METTL15: variants seen among roughly 807,000 people sequenced by gnomAD.
The protein encoded by METTL15 is methyltransferase 15, mitochondrial 12S rRNA N4-cytidine.
In METTL15, 34 loss-of-function variants were observed where a neutral mutation model predicts 38.3. That is an observed-to-expected ratio of 0.89 (90% CI 0.68 to 1.18). The LOEUF is 1.18. Ranked by LOEUF, METTL15 falls within the 50% of genes most tolerant of loss-of-function variation. The probability of loss-of-function intolerance (pLI) is 0.00; values close to 1 mark genes in which losing one functional copy is unlikely to be tolerated. For missense variants in METTL15, 438 were observed against 498.4 expected (o/e 0.88, Z 1.15); for synonymous variants, 162 against 170.9 (o/e 0.95, Z 0.41).
At chr11:28,213,977 T>A (rs535548666) in intron 4 of METTL15, among the ~76,000 whole-genome samples, 1 of 152,192 alleles carries the variant, frequency 6.6e-6, no homozygotes, top group African/African-American at 2.4e-5. Context: ...TTTACACTAA[T>A]CCTGACCATG....
At chr11:28,122,452 A>G (rs1458455252) in intron 3 of METTL15, among the ~76,000 whole-genome samples, 2 of 151,164 alleles carry the variant, frequency 1.3e-5, no homozygotes, top group African/African-American at 4.8e-5. Context: ...ACAGTTTTTT[A>G]GAGTTTTAGA....
intron 6 of METTL15, among the ~76,000 whole-genome samples, chr11:28,480,006 A>G (rs1273139832): frequency 2.0e-5 from 3 of 152,188 alleles, no homozygotes; most frequent in Non-Finnish European, 4.4e-5. Flanking sequence ...ATTTTCATCT[A>G]CATTAACTAT....
intron 3 of METTL15, among the ~76,000 whole-genome samples, chr11:28,198,211 T>C (rs1851980415): frequency 6.6e-6 from 1 of 152,082 alleles, no homozygotes; most frequent in Non-Finnish European, 1.5e-5. Context: ...AATTAGATTT[T>C]TGAGATTAGC....
chr11:28,430,881 C>T lies in METTL15; in HGVS notation c.*424+6517C>T, dbSNP rs866505587. Among the ~76,000 whole-genome samples, 41 of 119,128 alleles carry T rather than the reference C, an allele frequency of 3.4e-4. No individual in the cohort carries two copies. In the South Asian group the frequency reaches 0.012, roughly 33 times the overall value. The allele number at this position is 119,128 out of a possible 152,430, so 78.2% of individuals were successfully genotyped here. On this transcript the variant is annotated intron_variant and NMD_transcript_variant, in intron 6 of 7. Transcript: ENST00000532947. Reference sequence around the variant, plus strand: ...GGGGTCAGCCCCCCGCCCGGCCAGCCGCCCCGTCCGGGAGGGAGGTGGGGG... The same window carrying T: ...GGGGTCAGCCCCCCGCCCGGCCAGCTGCCCCGTCCGGGAGGGAGGTGGGGG...
intron 5 of METTL15, among the ~76,000 whole-genome samples, chr11:28,412,988 T>C (rs1590365947): frequency 6.6e-6 from 1 of 152,084 alleles, no homozygotes; most frequent in South Asian, 2.1e-4. Flanking sequence ...TATATATCTA[T>C]GTATCTATAT....
chr11:28,253,591 C>T (rs934936789), intron 4 of METTL15, among the ~76,000 whole-genome samples: 1 of 150,880 alleles, frequency 6.6e-6, no homozygotes, highest in East Asian at 2.0e-4. Flanking sequence ...TAAACATCCC[C>T]TCATGGCCCC....
chr11:28,249,245 T>A (rs1854637153), intron 4 of METTL15, among the ~76,000 whole-genome samples: 1 of 152,112 alleles, frequency 6.6e-6, no homozygotes, highest in East Asian at 1.9e-4. Context: ...GTGGTACCTA[T>A]CTTCATAAGC....
chr11:28,115,994 C>T (rs1851938139), intron 3 of METTL15, among the ~76,000 whole-genome samples: 1 of 151,598 alleles, frequency 6.6e-6, no homozygotes, highest in Admixed American at 6.6e-5. Context: ...TTTACCAGTG[C>T]ACCACAATCT....
chr11:28,241,088 G>A (rs1428064978), intron 4 of METTL15, among the ~76,000 whole-genome samples: 1 of 152,100 alleles, frequency 6.6e-6, no homozygotes. Context: ...CACCTACAAT[G>A]TGCCAGGTAC....
intron 3 of METTL15, among the ~76,000 whole-genome samples, chr11:28,345,178 CT>C (rs1310416793): frequency 6.6e-6 from 1 of 152,048 alleles, no homozygotes; most frequent in South Asian, 2.1e-4. Context: ...TTTATCTTTT[CT>C]TTTTTTGTTG....
intron 6 of METTL15, among the ~76,000 whole-genome samples, chr11:28,499,642 G>T (rs950175181): frequency 6.6e-6 from 1 of 152,112 alleles, no homozygotes; most frequent in East Asian, 1.9e-4. Context: ...TTCTGAGAGT[G>T]ACTGCTGAAT....
chr11:28,515,731 C>G (rs1487200869), intron 6 of METTL15, among the ~76,000 whole-genome samples: 1 of 152,182 alleles, frequency 6.6e-6, no homozygotes, highest in African/African-American at 2.4e-5. Flanking sequence ...CATTTTTAAT[C>G]TACATTGAAC....
chr11:28,157,578 A>T (rs1850305679), intron 3 of METTL15, among the ~76,000 whole-genome samples: 2 of 152,154 alleles, frequency 1.3e-5, no homozygotes, highest in Admixed American at 1.3e-4. Context: ...TGAACATTTG[A>T]CTATATGTCA....
Position 28,110,213 on chromosome 11 carries a change from G to A in METTL15, c.-206G>A, listed in dbSNP as rs1851659022. The A allele has an allele frequency of 6.6e-6, 1 of 152,238 alleles. No individual in the cohort carries two copies. The highest frequency in any genetic ancestry group is 6.5e-5 in the Admixed American group (1 of 15,292). 9.4% of individuals were successfully genotyped at this position (152,238 alleles called of 1,614,324 possible). ...GCCAACAGGACCCTTTGGCAGCTGA[G>A]GCTGGAAACAGCGGAACCAAAGGCA... On this transcript the variant is annotated 5_prime_UTR_variant, in exon 2 of 7. Coordinates refer to ENST00000407364, the MANE Select transcript of METTL15 (RefSeq NM_001113528.2).
At chr11:28,247,314 T>G (rs1854553172) in intron 4 of METTL15, among the ~76,000 whole-genome samples, 1 of 152,116 alleles carries the variant, frequency 6.6e-6, no homozygotes, top group Non-Finnish European at 1.5e-5. Flanking sequence ...GGGGGCAAAA[T>G]TATTGAAAAT....
chr11:28,259,496 T>G (rs112113082), intron 4 of METTL15, among the ~76,000 whole-genome samples: 1 of 152,160 alleles, frequency 6.6e-6, no homozygotes. Flanking sequence ...TTCAAGTTCA[T>G]GTAGGGGCCC....
chr11:28,152,736 C>T (rs977452443), intron 3 of METTL15, among the ~76,000 whole-genome samples: 1 of 151,742 alleles, frequency 6.6e-6, no homozygotes, highest in Non-Finnish European at 1.5e-5. Context: ...ATCCAGAACT[C>T]AAGAGAGGGT....
At chr11:28,468,525 A>G (rs1318294028) in intron 6 of METTL15, among the ~76,000 whole-genome samples, 2 of 152,224 alleles carry the variant, frequency 1.3e-5, no homozygotes, top group Admixed American at 6.5e-5. Context: ...TTAAGAGACC[A>G]AGGGGTTGTT....
At chr11:28,142,963 GGA>G (rs989750472) in intron 3 of METTL15, among the ~76,000 whole-genome samples, 5 of 152,094 alleles carry the variant, frequency 3.3e-5, no homozygotes, top group African/African-American at 1.2e-4. Flanking sequence ...CAGTTTAAAT[GGA>G]GAGAGGTGGG....
Sources: gnomAD v4.1 joint callset for allele counts (sites outside exome capture counted in the v4.1 genomes callset) on GRCh38, gnomAD v4.1.1 for gene constraint, MANE v1.5 for transcripts, NCBI Gene and HGNC (gene_info 2026-07-23, HGNC 2026-07-21) for gene names.